PANX2: variants seen among roughly 807,000 people sequenced by gnomAD.
The protein encoded by PANX2 is pannexin 2.
In PANX2, 30 loss-of-function variants were observed where a neutral mutation model predicts 38.7. That is an observed-to-expected ratio of 0.78 (90% CI 0.58 to 1.05). PANX2 has a LOEUF of 1.05. Among genes scored for constraint, PANX2 ranks in the 50% least tolerant of loss-of-function variants. PANX2 has a pLI of 0.00. For missense variants in PANX2, 880 were observed against 979.3 expected (o/e 0.90, Z 1.35); for synonymous variants, 539 against 472.1 (o/e 1.14, Z -1.84).
rs780595393 is a variant in PANX2, at chr22:50,170,952, C to G, written c.222C>G (p.Phe74Leu). The change falls in exon 1 of 3, where the codon TTC becomes TTG. Residue 74 changes from phenylalanine (F) to leucine (L), a missense_variant. Phe to Leu is a conservative substitution (Grantham distance 22). Transcript: ENST00000395842. ...TCACCCTGGTCTTCACCAAGAACTTCGCAGGTGAGGCCGGCGGCCGGGGCG... is the reference window on the plus strand; with the variant it reads ...TCACCCTGGTCTTCACCAAGAACTTGGCAGGTGAGGCCGGCGGCCGGGGCG... ...LLVTLVFTKNFAEEPIYCYTP... is the reference protein window; with the variant it reads ...LLVTLVFTKNLAEEPIYCYTP... 6.7e-7 allele frequency: 1 copy of G among 1,497,576 alleles called. No individual in the cohort carries two copies. The highest frequency in any genetic ancestry group is 2.8e-5 in the East Asian group (1 of 35,436). 92.8% of individuals were successfully genotyped at this position (1,497,576 alleles called of 1,614,324 possible). A position where few individuals can be genotyped will look rare whatever the true frequency, so the allele number is the denominator to read the frequency against.
rs555308306 is a variant in PANX2, at chr22:50,178,342, G to C, written c.1630G>C (p.Gly544Arg). 3.3e-6 allele frequency: 5 copies of C among 1,498,570 alleles called. No homozygotes were observed. Among genetic ancestry groups the C allele is most frequent in the Non-Finnish European group, 4.4e-6 (5 of 1,131,882 alleles). 92.8% of individuals were successfully genotyped at this position (1,498,570 alleles called of 1,614,324 possible). Residue 544 changes from glycine (G) to arginine (R), a missense_variant, in exon 2 of 3, where the codon GGG becomes CGG. Around this residue, in one of 4 missense-constraint regions of PANX2, gnomAD observed 445 missense variants for 404.3 expected, o/e 1.10. Transcript: ENST00000395842. Reference protein sequence around the residue: ...AALPASRSQEGGFLSQAEDCG... With the variant: ...AALPASRSQERGFLSQAEDCG... The stretch of plus-strand genomic sequence containing the variant: ...CCTGCCCGCCTCCCGGAGCCAGGAG[G>C]GGGGCTTCCTGTCCCAGGCGGAGGA...
chr22:50,178,344 G>A lies in PANX2; in HGVS notation c.1632G>A (p.Gly544=). The part of the protein sequence containing the change: ...AALPASRSQE[G]GFLSQAEDCG... The stretch of plus-strand genomic sequence containing the variant: ...TGCCCGCCTCCCGGAGCCAGGAGGG[G>A]GGCTTCCTGTCCCAGGCGGAGGACT... Residue 544 remains glycine (G), a synonymous_variant, in exon 2 of 3, where the codon GGG becomes GGA. Coordinates refer to ENST00000395842, the MANE Select transcript of PANX2 (RefSeq NM_052839.4). 6.7e-7 allele frequency: 1 copy of A among 1,497,214 alleles called. No homozygotes were observed. The allele number at this position is 1,497,214 out of a possible 1,614,324, so 92.7% of individuals were successfully genotyped here.
rs1351502936 is a variant in PANX2, at chr22:50,177,832, A to G, written c.1120A>G (p.Met374Val). ...LDFITNESDL[M>V]YDNVVRQLLA... ...CTTCATCACCAACGAGAGCGACCTC[A>G]TGTACGACAACGTGGTCCGGCAGCT... Residue 374 changes from methionine (M) to valine (V), a missense_variant, in exon 2 of 3, where the codon ATG becomes GTG. Around this residue, in one of 4 missense-constraint regions of PANX2, gnomAD observed 78 missense variants for 133.1 expected, o/e 0.59. Coordinates refer to ENST00000395842, the MANE Select transcript of PANX2 (RefSeq NM_052839.4). 3.1e-6 allele frequency: 5 copies of G among 1,597,470 alleles called. No homozygotes were observed. The highest frequency in any genetic ancestry group is 2.2e-5 in the South Asian group (2 of 90,850).
chr22:50,176,363 C>A (rs2063661142), intron 1 of PANX2, among the ~76,000 whole-genome samples: 1 of 152,240 alleles, frequency 6.6e-6, no homozygotes, highest in Non-Finnish European at 1.5e-5. Flanking sequence ...TGTCTGGTGT[C>A]CCCAGGCTGG....
chr22:50,175,857 T>G (rs1019103568), intron 1 of PANX2, among the ~76,000 whole-genome samples: 4 of 152,234 alleles, frequency 2.6e-5, no homozygotes, highest in Admixed American at 2.6e-4. Context: ...ATGCTGCTCT[T>G]CCCAGAGTGG....
intron 1 of PANX2, among the ~76,000 whole-genome samples, chr22:50,175,042 C>T (rs2063654627): frequency 6.6e-6 from 1 of 152,202 alleles, no homozygotes; most frequent in Non-Finnish European, 1.5e-5. Flanking sequence ...TGAGTCAAGG[C>T]AGTATCCTTG....
At position 50,179,064 on chromosome 22, in the gene PANX2, C is replaced by A; in HGVS notation, c.1821C>A (p.Ser607Arg). 6.2e-7 allele frequency: 1 copy of A among 1,611,146 alleles called. No homozygotes were observed. Among genetic ancestry groups the A allele is most frequent in the South Asian group, 1.1e-5 (1 of 90,882 alleles). Residue 607 changes from serine (S) to arginine (R), a missense_variant, in exon 3 of 3, where the codon AGC (serine) becomes AGA (arginine). Around this residue, in one of 4 missense-constraint regions of PANX2, gnomAD observed 445 missense variants for 404.3 expected, o/e 1.10. Coordinates refer to ENST00000395842, the MANE Select transcript of PANX2 (RefSeq NM_052839.4). ...APAVAPLTPA[S>R]LGKAEPLTIL... ...CTGTGGCCCCTCTGACACCAGCCAG[C>A]CTGGGCAAGGCGGAGCCCCTCACCA...
chr22:50,178,343 G>GGGGCTTCCTGTCCCAGGCGGA lies in PANX2; in HGVS notation c.1634_1654dup (p.Gly545_Glu551dup). The stretch of plus-strand genomic sequence containing the variant: ...CTGCCCGCCTCCCGGAGCCAGGAGG[G>GGGGCTTCCTGTCCCAGGCGGA]GGGCTTCCTGTCCCAGGCGGAGGAC... On this transcript the variant is annotated inframe_insertion, in exon 2 of 3. Coordinates refer to ENST00000395842, the MANE Select transcript of PANX2 (RefSeq NM_052839.4). 6.7e-7 allele frequency: 1 copy of GGGGCTTCCTGTCCCAGGCGGA among 1,496,848 alleles called. No homozygotes were observed. Among genetic ancestry groups the GGGGCTTCCTGTCCCAGGCGGA allele is most frequent in the Admixed American group, 2.4e-5 (1 of 41,528 alleles). The allele number at this position is 1,496,848 out of a possible 1,614,324, so 92.7% of individuals were successfully genotyped here.
intron 1 of PANX2, among the ~76,000 whole-genome samples, chr22:50,176,168 C>T (rs1480782596): frequency 4.6e-5 from 7 of 152,384 alleles, no homozygotes; most frequent in East Asian, 3.9e-4. Context: ...GGCCAAGGCG[C>T]GAATGTCCTG....
At chr22:50,174,005 C>T (rs1447554613) in intron 1 of PANX2, among the ~76,000 whole-genome samples, 1 of 152,126 alleles carries the variant, frequency 6.6e-6, no homozygotes, top group African/African-American at 2.4e-5. Flanking sequence ...TCTTTGGGGG[C>T]CATGATTCTG....
intron 1 of PANX2, chr22:50,175,560 G>C: frequency 1.4e-6 from 1 of 712,210 alleles, no homozygotes; most frequent in South Asian, 1.7e-5. Flanking sequence ...TCTGAGCCCA[G>C]CTCATCTCCA....
rs1429147060 is a variant in PANX2 at position 50,170,832 on chromosome 22, G to A, written c.102G>A (p.Ala34=). The A allele has an allele frequency of 2.7e-6, 4 of 1,487,146 alleles. No individual in the cohort carries two copies. Among genetic ancestry groups the A allele is most frequent in the Non-Finnish European group, 2.7e-6 (3 of 1,115,410 alleles). 92.1% of individuals were successfully genotyped at this position (1,487,146 alleles called of 1,614,324 possible). A position where few individuals can be genotyped will look rare whatever the true frequency, so the allele number is the denominator to read the frequency against. ...TGCCGGGCGCGCAGGACGACAAGGC[G>A]GGCGCGCTGGCCGCGCTGCTTCTGC... ...LILPGAQDDK[A]GALAALLLQL... Residue 34 remains alanine, a synonymous_variant, in exon 1 of 3, where the codon GCG becomes GCA. Transcript: ENST00000395842.
chr22:50,177,126 C>T lies in PANX2; in HGVS notation c.414C>T (p.Pro138=), dbSNP rs769652627. 5 of 1,608,312 alleles carry T rather than the reference C, an allele frequency of 3.1e-6. No homozygotes were observed. In the South Asian group the frequency reaches 3.3e-5, roughly 11 times the overall value. The change falls in exon 2 of 3, where the codon CCC becomes CCT. Residue 138 remains proline, a synonymous_variant. Coordinates refer to ENST00000395842, the MANE Select transcript of PANX2 (RefSeq NM_052839.4). ...LLAFAAIMYV[P]ALGWEFLAST... ...CCTTCGCCGCCATCATGTACGTGCC[C>T]GCGCTGGGCTGGGAGTTCCTGGCCT...
chr22:50,178,389 G>A lies in PANX2; in HGVS notation c.1677G>A (p.Pro559=), dbSNP rs993553569. The A allele has an allele frequency of 5.6e-6, 8 of 1,425,100 alleles. No individual in the cohort carries two copies. In the African/African-American group the frequency reaches 7.6e-5, roughly 13 times the overall value. The allele number at this position is 1,425,100 out of a possible 1,614,324, so 88.3% of individuals were successfully genotyped here. ...AGGACTGTGGGCTAGGCCTGGCCCC[G>A]GCGCCCATCAAAGGTAGGGGCAGGG... The part of the protein sequence containing the change: ...QAEDCGLGLA[P]APIKDAPLPE... Residue 559 remains proline, a synonymous_variant, in exon 2 of 3, where the codon CCG becomes CCA. Coordinates refer to ENST00000395842, the MANE Select transcript of PANX2 (RefSeq NM_052839.4).
In PANX2 at chr22:50,177,318, GA is replaced by G; in HGVS notation, c.608del (p.Lys203ArgfsTer31). 1 of 1,611,288 alleles carries G rather than the reference GA, an allele frequency of 6.2e-7. No individual in the cohort carries two copies. The highest frequency in any genetic ancestry group is 8.5e-7 in the Non-Finnish European group (1 of 1,179,304). ...REIIENAEKEKSPEQNLFEKY... is the reference protein window; with the variant it reads ...REIIENAEKEXSPEQNLFEKY... ...AGATCATCGAGAACGCGGAGAAGGA[GA>G]AGAGCCCGGAGCAGAACCTGTTCGA... is the stretch of plus-strand genomic sequence containing the variant. On this transcript the variant is annotated frameshift_variant, in exon 2 of 3. Coordinates refer to ENST00000395842, the MANE Select transcript of PANX2 (RefSeq NM_052839.4). LOFTEE classifies it high-confidence loss of function.
chr22:50,173,818 C>T (rs1025406256), intron 1 of PANX2, among the ~76,000 whole-genome samples: 5 of 152,170 alleles, frequency 3.3e-5, no homozygotes, highest in East Asian at 1.9e-4. Context: ...GAGCCGGCTG[C>T]GTGGCGTTCT....
chr22:50,176,326 G>A (rs531868207), intron 1 of PANX2, among the ~76,000 whole-genome samples: 1 of 152,258 alleles, frequency 6.6e-6, no homozygotes, highest in Non-Finnish European at 1.5e-5. Flanking sequence ...AGTCCAGCTG[G>A]TGACATCCCC....
intron 1 of PANX2, 58 bp from the exon 2 acceptor site, chr22:50,176,881 T>C: frequency 6.9e-7 from 1 of 1,453,844 alleles, no homozygotes. Context: ...CAGCCCGGTT[T>C]CTTCAGCCCA....
rs1192210558 is a variant in PANX2, at chr22:50,177,014, C to T, written c.302C>T (p.Thr101Met). The T allele has an allele frequency of 2.5e-6, 4 of 1,602,618 alleles. No individual in the cohort carries two copies. Among genetic ancestry groups the T allele is most frequent in the Admixed American group, 3.4e-5 (2 of 59,106 alleles). The change falls in exon 2 of 3, where the codon ACG becomes ATG. Residue 101 changes from threonine (T) to methionine (M), a missense_variant. Physicochemically the swap from Thr to Met is moderately conservative, Grantham distance 81. Around this residue, in one of 4 missense-constraint regions of PANX2, gnomAD observed 243 missense variants for 333.1 expected, o/e 0.73. Transcript: ENST00000395842. ...QALYARGYCW[T>M]ELRDALPGVD... ...CTGTACGCCCGCGGCTACTGCTGGACGGAGCTGCGGGACGCGCTGCCCGGC... is the reference window on the plus strand; with the variant it reads ...CTGTACGCCCGCGGCTACTGCTGGATGGAGCTGCGGGACGCGCTGCCCGGC...
Sources: gnomAD v4.1 joint callset for allele counts (sites outside exome capture counted in the v4.1 genomes callset) on GRCh38, gnomAD v4.1.1 for gene constraint, gnomAD v4.1.1 regional missense constraint, MANE v1.5 for transcripts, NCBI Gene and HGNC (gene_info 2026-07-23, HGNC 2026-07-21) for gene names.